Variants in RFWD3 observed in about 807,000 individuals in gnomAD.
RFWD3 encodes the protein E3 ubiquitin-protein ligase RFWD3.
Under a neutral mutation model 87.7 loss-of-function variants are expected in RFWD3, and 65 were observed. The observed-to-expected ratio is 0.74, with a 90% CI of 0.61 to 0.91. The LOEUF is 0.91. Among genes scored for constraint, RFWD3 ranks in the 40% least tolerant of loss-of-function variants. RFWD3 has a pLI of 0.00. For synonymous variants in RFWD3, 433 were observed against 352.8 expected (o/e 1.23, Z -2.55); for missense variants, 1,078 against 938.5 (o/e 1.15, Z -1.94).
chr16:74,661,961 G>A (rs1961475439), intron 1 of RFWD3, among the ~76,000 whole-genome samples: 1 of 152,126 alleles, frequency 6.6e-6, no homozygotes, highest in Non-Finnish European at 1.5e-5. Context: ...CTTACCTAAT[G>A]TTTCCAAAAA....
At chr16:74,636,734 G>C (rs1229763779) in intron 7 of RFWD3, among the ~76,000 whole-genome samples, 157 bp from the exon 8 acceptor site, 1 of 149,650 alleles carries the variant, frequency 6.7e-6, no homozygotes, top group East Asian at 2.0e-4. Flanking sequence ...TTTTTTTTAA[G>C]ACGGAGTCTC....
chr16:74,650,423 T>G (rs1447651429), intron 3 of RFWD3, among the ~76,000 whole-genome samples: 1 of 151,118 alleles, frequency 6.6e-6, no homozygotes, highest in Non-Finnish European at 1.5e-5. Context: ...CTAAGTGGCA[T>G]GAGTATTTCT....
At position 74,623,354 on chromosome 16, in the gene RFWD3, C is replaced by T. The variant is rs537464033; in HGVS notation, c.*574G>A. Reference sequence around the variant, plus strand: ...GCACACCCAGGTGTGCTATCACACACTTGTGTGGAGATGAGACAAGTTACT... The same window carrying T: ...GCACACCCAGGTGTGCTATCACACATTTGTGTGGAGATGAGACAAGTTACT... On this transcript the variant is annotated 3_prime_UTR_variant, in exon 13 of 13. Coordinates refer to ENST00000361070, the MANE Select transcript of RFWD3 (RefSeq NM_018124.4). 1 of 152,908 alleles carries T rather than the reference C, an allele frequency of 6.5e-6. No homozygotes were observed. The highest frequency in any genetic ancestry group is 2.4e-5 in the African/African-American group (1 of 41,476). 9.5% of individuals were successfully genotyped at this position (152,908 alleles called of 1,614,324 possible).
rs944576935 is a variant in RFWD3, at chr16:74,651,989, T to C, written c.652A>G (p.Ser218Gly). The change falls in exon 3 of 13, where the codon AGT becomes GGT. Residue 218 changes from serine (S) to glycine (G), a missense_variant. Coordinates refer to ENST00000361070, the MANE Select transcript of RFWD3 (RefSeq NM_018124.4). ...CCTCCATACTCTGCAGAGCTGTCAC[T>C]GTCAGAATCAGAACTACTAGACACC... Reference protein sequence around the residue: ...LQVSSSSDSDSDSSAEYGGVV... With the variant: ...LQVSSSSDSDGDSSAEYGGVV... The C allele has an allele frequency of 1.2e-6, 2 of 1,614,096 alleles. No individual in the cohort carries two copies. The highest frequency in any genetic ancestry group is 8.5e-7 in the Non-Finnish European group (1 of 1,179,986).
chr16:74,665,633 C>T (rs963419600), intron 1 of RFWD3, among the ~76,000 whole-genome samples: 8 of 152,130 alleles, frequency 5.3e-5, no homozygotes, highest in African/African-American at 1.7e-4. Context: ...GTGGCGCGCA[C>T]CTGTGGTCCC....
chr16:74,627,790 A>G (rs756365758), intron 11 of RFWD3, among the ~76,000 whole-genome samples: 6 of 152,182 alleles, frequency 3.9e-5, no homozygotes, highest in Non-Finnish European at 4.4e-5. Context: ...AACACCCACA[A>G]CGAACTCCCT....
intron 6 of RFWD3, among the ~76,000 whole-genome samples, chr16:74,643,175 G>A (rs1348720204): frequency 6.6e-6 from 1 of 151,938 alleles, no homozygotes; most frequent in African/African-American, 2.4e-5. Flanking sequence ...AATACAGATA[G>A]GATCTATGTT....
rs1960085119 is a variant in RFWD3 at position 74,645,775 on chromosome 16, CAG to C, written c.793-1042_793-1041del. Among the ~76,000 whole-genome samples the C allele has an allele frequency of 7.8e-5, 8 of 101,916 alleles. 1 individual carries two copies. In the South Asian group the frequency reaches 2.3e-3, roughly 29 times the overall value. The allele number at this position is 101,916 out of a possible 152,430, so 66.9% of individuals were successfully genotyped here. ...TTTTTTTTTTTTTTTTTTTTTGAGA[CAG>C]ACTCTCGCTCTGTCGCCCAGGCTGG... On this transcript the variant is annotated intron_variant, in intron 4 of 12. Coordinates refer to ENST00000361070, the MANE Select transcript of RFWD3 (RefSeq NM_018124.4).
intron 6 of RFWD3, chr16:74,644,122 T>C: frequency 1.8e-6 from 1 of 561,000 alleles, no homozygotes; most frequent in Non-Finnish European, 3.2e-6. Flanking sequence ...GCAACAGAAG[T>C]AATGTGCCAG....
intron 8 of RFWD3, 133 bp downstream of exon 8, chr16:74,636,213 T>G: frequency 1.4e-6 from 1 of 727,636 alleles, no homozygotes. Flanking sequence ...CACCCTGGGG[T>G]ACTTGCATTA....
intron 8 of RFWD3, among the ~76,000 whole-genome samples, chr16:74,633,662 G>A (rs1475199689): frequency 6.6e-6 from 1 of 152,030 alleles, no homozygotes; most frequent in East Asian, 1.9e-4. Flanking sequence ...TAATACATAT[G>A]TTCATGGCCA....
intron 1 of RFWD3, chr16:74,666,169 TTAGATAGACAGATTAGATAGATAGA>T (rs1961883605): frequency 3.4e-5 from 5 of 149,020 alleles, no homozygotes; most frequent in Admixed American, 2.7e-4. Flanking sequence ...CATAGATAGA[TTAGATAGACAGATTAGATAGATAGA>T]TAGATAGATA....
chr16:74,654,396 T>C (rs1960808113), intron 2 of RFWD3, among the ~76,000 whole-genome samples: 1 of 152,210 alleles, frequency 6.6e-6, no homozygotes, highest in African/African-American at 2.4e-5. Flanking sequence ...GTGTGTTATG[T>C]AATTTTTACA....
chr16:74,653,551 G>T (rs895913895), intron 2 of RFWD3, among the ~76,000 whole-genome samples: 1 of 151,858 alleles, frequency 6.6e-6, no homozygotes, highest in Non-Finnish European at 1.5e-5. Flanking sequence ...GGTGGCTTAC[G>T]CCTATAATCC....
chr16:74,626,604 A>T, intron 11 of RFWD3, 50 bp from the exon 12 acceptor site: 1 of 1,493,462 alleles, frequency 6.7e-7, no homozygotes, highest in Non-Finnish European at 9.3e-7. Flanking sequence ...TACACAAAAA[A>T]TTAACCAAGT....
chr16:74,632,490 C>A, intron 9 of RFWD3, 33 bp downstream of exon 9: 1 of 1,610,808 alleles, frequency 6.2e-7, no homozygotes, highest in Non-Finnish European at 8.5e-7. Flanking sequence ...CACCAAAGAG[C>A]CCAGTCTCCA....
rs763874688 is a variant in RFWD3 at position 74,661,007 on chromosome 16, G to A, written c.443C>T (p.Pro148Leu). 1.4e-4 allele frequency: 226 copies of A among 1,613,982 alleles called. No homozygotes were observed. Among genetic ancestry groups the A allele is most frequent in the Non-Finnish European group, 1.9e-4 (221 of 1,180,030 alleles). ...RPSSSNHSVG[P>L]MRTRRRVSAS... ...AGATACCCTCCTTCTTGTTCTCATT[G>A]GCCCTACACTGTGGTTTGAAGATGA... The change falls in exon 2 of 13, where the codon CCA becomes CTA. Residue 148 changes from proline (P) to leucine (L), a missense_variant. Transcript: ENST00000361070.
At chr16:74,629,190 C>T (rs1379336374) in intron 10 of RFWD3, among the ~76,000 whole-genome samples, 2 of 152,220 alleles carry the variant, frequency 1.3e-5, no homozygotes, top group East Asian at 3.8e-4. Context: ...TCAGAAATAT[C>T]ATCCTTCCGA....
intron 9 of RFWD3, 146 bp from the exon 10 acceptor site, chr16:74,631,103 G>T (rs1959079289): frequency 5.9e-6 from 4 of 674,148 alleles, no homozygotes; most frequent in Non-Finnish European, 6.9e-6. Flanking sequence ...ATTTTTTCTA[G>T]AATCTGCCCA....
Sources: gnomAD v4.1 joint callset for allele counts (sites outside exome capture counted in the v4.1 genomes callset) on GRCh38, gnomAD v4.1.1 for gene constraint, MANE v1.5 for transcripts, NCBI Gene and HGNC (gene_info 2026-07-23, HGNC 2026-07-21) for gene names.